The following PDXK variants were observed in gnomAD, a reference collection of about 807,000 sequenced individuals.
PDXK encodes epididymis secretory sperm binding protein Li 1a.
In PDXK, 15 loss-of-function variants were observed where a neutral mutation model predicts 43.2. The observed-to-expected ratio is 0.35, with a 90% CI of 0.23 to 0.53. The LOEUF is 0.53. Ranked by LOEUF, PDXK falls within the 20% of genes least tolerant of loss-of-function variation. PDXK has a pLI of 0.92. For missense variants in PDXK, 343 were observed against 417.0 expected, an observed-to-expected ratio of 0.82 and a Z score of 1.54; for synonymous variants, 172 against 165.4, an observed-to-expected ratio of 1.04 and a Z score of -0.31.
At chr21:43,742,898 T>C (rs544801505) in intron 3 of PDXK, among the ~76,000 whole-genome samples, 1 of 152,246 alleles carries the variant, frequency 6.6e-6, no homozygotes, top group East Asian at 1.9e-4. Flanking sequence ...GTCATATGCT[T>C]ATTACTGAAA....
intron 2 of PDXK, among the ~76,000 whole-genome samples, chr21:43,740,720 C>T (rs943245449): frequency 3.3e-5 from 5 of 151,864 alleles, no homozygotes; most frequent in East Asian, 1.9e-4. Flanking sequence ...ACCCTGGCTA[C>T]CCATCGGGCC....
intron 1 of PDXK, among the ~76,000 whole-genome samples, chr21:43,731,208 C>T (rs961767784): frequency 3.3e-5 from 5 of 152,158 alleles, no homozygotes; most frequent in African/African-American, 9.7e-5. Flanking sequence ...TCGCGTGGCC[C>T]AATCCATCTT....
rs754816316 is a variant in PDXK, at chr21:43,754,018, G to A, written c.759+299G>A. Among the ~76,000 whole-genome samples, 5 of 152,358 alleles carry A rather than the reference G, an allele frequency of 3.3e-5. No homozygotes were observed. The East Asian group carries it at 5.8e-4, about 18-fold the overall frequency. On this transcript the variant is annotated intron_variant, in intron 9 of 10. Coordinates refer to ENST00000291565, the MANE Select transcript of PDXK (RefSeq NM_003681.5). This position sits in a 1 kb window ranked among gnomAD's most constrained non-coding sequence, Gnocchi z 5.5. ...TCCCACCAGGATTCAGATGCCACCC[G>A]CTTGGCGTTGGCGCAGGGCTGTGGG...
In PDXK at chr21:43,737,715, A is replaced by T; in HGVS notation, c.142+3592A>T. ...CACCAGCGAGGGGCCAGGCCGGGCC[A>T]GGAGCCTGCCGACGGACACCAGCGA... is the stretch of plus-strand genomic sequence containing the variant. On this transcript the variant is annotated intron_variant, in intron 2 of 10. Transcript: ENST00000291565. This position sits in a 1 kb window ranked among gnomAD's most constrained non-coding sequence, Gnocchi z 4.8. The T allele has an allele frequency of 2.0e-6, 2 of 983,738 alleles. No individual in the cohort carries two copies. Among genetic ancestry groups the T allele is most frequent in the Non-Finnish European group, 2.4e-6 (2 of 828,298 alleles). 60.9% of individuals were successfully genotyped at this position (983,738 alleles called of 1,614,324 possible).
chr21:43,758,956 TTAA>T lies in PDXK; in HGVS notation c.*2895_*2897del, dbSNP rs2083893424. On this transcript the variant is annotated 3_prime_UTR_variant, in exon 11 of 11. Coordinates refer to ENST00000291565, the MANE Select transcript of PDXK (RefSeq NM_003681.5). The stretch of plus-strand genomic sequence containing the variant: ...AAACAGTTGCAGCATGATGCTTTGT[TTAA>T]TGTCCTGTTCTTAAGCTCGTTAGAG... 6.6e-6 allele frequency: 1 copy of T among 152,224 alleles called. No homozygotes were observed. Among genetic ancestry groups the T allele is most frequent in the South Asian group, 2.1e-4 (1 of 4,828 alleles). The allele number at this position is 152,224 out of a possible 1,614,324, so 9.4% of individuals were successfully genotyped here.
rs540983811 is a variant in PDXK, at chr21:43,724,681, G to GA, written c.87+5314dup. ...ACATAGCAAGACTCCAGCTCTACAAGAAAAAAAAAAAAAAGCTGGCTATGT... is the reference window on the plus strand; with the variant it reads ...ACATAGCAAGACTCCAGCTCTACAAGAAAAAAAAAAAAAAAGCTGGCTATGT... On this transcript the variant is annotated intron_variant, in intron 1 of 10. Transcript: ENST00000291565. Among the ~76,000 whole-genome samples the GA allele has an allele frequency of 1.0e-2, 1,342 of 134,632 alleles. 12 individuals are homozygous for GA. The highest frequency in any genetic ancestry group is 0.016 in the Non-Finnish European group (1,003 of 61,870). The allele number at this position is 134,632 out of a possible 152,430, so 88.3% of individuals were successfully genotyped here. A position where few individuals can be genotyped will look rare whatever the true frequency, so the allele number is the denominator to read the frequency against.
At chr21:43,726,272 T>TC (rs1203744983) in intron 1 of PDXK, among the ~76,000 whole-genome samples, 2 of 137,114 alleles carry the variant, frequency 1.5e-5, no homozygotes, top group African/African-American at 5.5e-5. Context: ...TTCTTTTTCT[T>TC]TTTTTTTTTT....
intron 5 of PDXK, among the ~76,000 whole-genome samples, chr21:43,746,332 C>T (rs528867155): frequency 3.9e-5 from 6 of 152,276 alleles, no homozygotes; most frequent in East Asian, 1.9e-4. Flanking sequence ...ACACCTTTGC[C>T]GGCCGCACAG....
chr21:43,732,293 C>A lies in PDXK; in HGVS notation c.88-1776C>A. 2 of 1,573,096 alleles carry A rather than the reference C, an allele frequency of 1.3e-6. No individual in the cohort carries two copies. The highest frequency in any genetic ancestry group is 1.7e-6 in the Non-Finnish European group (2 of 1,159,998). On this transcript the variant is annotated intron_variant, in intron 1 of 10. Transcript: ENST00000291565. This position sits in a 1 kb window ranked among gnomAD's most constrained non-coding sequence, Gnocchi z 4.1. ...GCAGGAGATACCTTTCTCTGGGGTCCCAGGCTCCCGTCCTGGACCTTGGCA... is the reference window on the plus strand; with the variant it reads ...GCAGGAGATACCTTTCTCTGGGGTCACAGGCTCCCGTCCTGGACCTTGGCA...
In PDXK at chr21:43,737,281, AG is replaced by A. The variant is rs781362742; in HGVS notation, c.142+3160del. 411 of 1,409,162 alleles carry A rather than the reference AG, an allele frequency of 2.9e-4. No homozygotes were observed. The highest frequency in any genetic ancestry group is 9.6e-4 in the Admixed American group (32 of 33,216). 87.3% of individuals were successfully genotyped at this position (1,409,162 alleles called of 1,614,324 possible). ...AGTGCCTGCAGAGCCCACCTGGCGC[AG>A]GCCTCGCCGCCTCGAGGCTGCTGCT... On this transcript the variant is annotated intron_variant, in intron 2 of 10. Coordinates refer to ENST00000291565, the MANE Select transcript of PDXK (RefSeq NM_003681.5). The surrounding 1 kb of genome is among the most constrained non-coding windows in gnomAD (Gnocchi z 4.8).
At chr21:43,752,753 A>ACCCCCATTTTACAG in intron 8 of PDXK, 124 bp downstream of exon 8, 1 of 627,212 alleles carries the variant, frequency 1.6e-6, no homozygotes, top group South Asian at 1.8e-5. Flanking sequence ...CACCGGGATG[A>ACCCCCATTTTACAG]CACCCCCATT....
chr21:43,752,389 A>G (rs1361961211), intron 7 of PDXK, 129 bp from the exon 8 acceptor site: 1 of 645,510 alleles, frequency 1.5e-6, no homozygotes. Flanking sequence ...GCTCTGGGGG[A>G]GTGGGGTGTG....
At chr21:43,748,879 G>T (rs1335102337) in intron 5 of PDXK, 116 bp from the exon 6 acceptor site, 3 of 680,520 alleles carry the variant, frequency 4.4e-6, no homozygotes, top group East Asian at 2.6e-5. Context: ...TGGCCCCTGA[G>T]CCTGGACTTC....
At chr21:43,740,518 G>A (rs1362968134) in intron 2 of PDXK, among the ~76,000 whole-genome samples, 7 of 152,024 alleles carry the variant, frequency 4.6e-5, no homozygotes, top group Non-Finnish European at 7.4e-5. Context: ...TCTCATGGGC[G>A]AATGTGGGGT....
rs776186192 is a variant in PDXK, at chr21:43,754,805, G to A, written c.760-893G>A. Among the ~76,000 whole-genome samples the A allele has an allele frequency of 2.6e-5, 4 of 152,114 alleles. No homozygotes were observed. Among genetic ancestry groups the A allele is most frequent in the African/African-American group, 7.2e-5 (3 of 41,420 alleles). On this transcript the variant is annotated intron_variant, in intron 9 of 10. Coordinates refer to ENST00000291565, the MANE Select transcript of PDXK (RefSeq NM_003681.5). The surrounding 1 kb of genome is among the most constrained non-coding windows in gnomAD (Gnocchi z 5.5). ...CTCCCTGTGCTGTCTTTGCCGGGCCGCTTAAGGGGCCACGTGTCCCCCGGG... is the reference window on the plus strand; with the variant it reads ...CTCCCTGTGCTGTCTTTGCCGGGCCACTTAAGGGGCCACGTGTCCCCCGGG...
In PDXK at chr21:43,734,327, G is replaced by A. The variant is rs1251814507; in HGVS notation, c.142+204G>A. 6.6e-6 allele frequency among the ~76,000 whole-genome samples: 1 copy of A among 150,692 alleles called. No homozygotes were observed. The highest frequency in any genetic ancestry group is 2.4e-5 in the African/African-American group (1 of 40,868). ...GGCCTGGGTGGCCTCGCCTCTGAGA[G>A]GGGTTGTGTTGACTCAGCTTGGCTG... On this transcript the variant is annotated intron_variant, in intron 2 of 10. Coordinates refer to ENST00000291565, the MANE Select transcript of PDXK (RefSeq NM_003681.5). This position sits in a 1 kb window ranked among gnomAD's most constrained non-coding sequence, Gnocchi z 5.0.
rs909535385 is a variant in PDXK, at chr21:43,723,814, C to T, written c.87+4433C>T. 3 of 152,292 alleles carry T rather than the reference C, an allele frequency of 2.0e-5. No homozygotes were observed. The highest frequency in any genetic ancestry group is 7.2e-5 in the African/African-American group (3 of 41,452). The allele number at this position is 152,292 out of a possible 1,614,324, so 9.4% of individuals were successfully genotyped here. A position where few individuals can be genotyped will look rare whatever the true frequency, so the allele number is the denominator to read the frequency against. On this transcript the variant is annotated intron_variant, in intron 1 of 10. Transcript: ENST00000291565. The surrounding 1 kb of genome is among the most constrained non-coding windows in gnomAD (Gnocchi z 4.1). ...GGTGATATCCGTGTCCTTCATCTGT[C>T]AGCCTCTGGAGCCGCCGAGGCTGGG...
At position 43,758,985 on chromosome 21, in the gene PDXK, CCAG is replaced by C. The variant is rs2083893844; in HGVS notation, c.*2923_*2925del. On this transcript the variant is annotated 3_prime_UTR_variant, in exon 11 of 11. Transcript: ENST00000291565. ...TGTCCTGTTCTTAAGCTCGTTAGAG[CCAG>C]TTTTGAAACGTTTGGTCTTACCGTG... 1.5e-4 allele frequency: 23 copies of C among 152,224 alleles called. No homozygotes were observed. The highest frequency in any genetic ancestry group is 2.9e-5 in the Non-Finnish European group (2 of 68,032). 9.4% of individuals were successfully genotyped at this position (152,224 alleles called of 1,614,324 possible).
Position 43,733,714 on chromosome 21 carries a change from C to T in PDXK, c.88-355C>T, listed in dbSNP as rs190877011. On this transcript the variant is annotated intron_variant, in intron 1 of 10. Coordinates refer to ENST00000291565, the MANE Select transcript of PDXK (RefSeq NM_003681.5). ...CAGTGTGTGGACAGATGGGTATTGC[C>T]TTCGTTTTATTGTTTGTTAGTCTTA... 602 of 1,111,744 alleles carry T rather than the reference C, an allele frequency of 5.4e-4. 10 individuals are homozygous for T. The Admixed American group carries it at 0.014, about 25-fold the overall frequency. The allele number at this position is 1,111,744 out of a possible 1,614,324, so 68.9% of individuals were successfully genotyped here.
Sources: allele counts gnomAD v4.1 joint callset (sites outside exome capture counted in the v4.1 genomes callset), GRCh38; gene constraint gnomAD v4.1.1; non-coding constraint Gnocchi (gnomAD v3.1); transcripts MANE v1.5; gene names NCBI Gene and HGNC (gene_info 2026-07-23, HGNC 2026-07-21).